The following PTPRD variants were observed in gnomAD, a reference collection of about 807,000 sequenced individuals.
The protein encoded by PTPRD is protein tyrosine phosphatase receptor type D.
Under a neutral mutation model 214.5 loss-of-function variants are expected in PTPRD, and 34 were observed. That is an observed-to-expected ratio of 0.16 (90% confidence interval 0.12 to 0.21). The LOEUF is 0.21. Among genes scored for constraint, PTPRD ranks in the 10% least tolerant of loss-of-function variants. PTPRD has a pLI of 1.00. For missense variants in PTPRD, 2,545 were observed against 2,398.7 expected, an observed-to-expected ratio of 1.06 and a Z score of -1.27; for synonymous variants, 1,128 against 845.7, an observed-to-expected ratio of 1.33 and a Z score of -5.79.
intron 35 of PTPRD, among the ~76,000 whole-genome samples, chr9:8,420,016 A>G (rs1378061837): frequency 2.0e-5 from 3 of 152,148 alleles, no homozygotes; most frequent in African/African-American, 7.2e-5. Context: ...GAGTGTCAGA[A>G]AAAGAAGAAA....
intron 11 of PTPRD, among the ~76,000 whole-genome samples, chr9:8,903,797 AAAGCAATATCC>A (rs2098689162): frequency 6.8e-6 from 1 of 146,666 alleles, no homozygotes; most frequent in African/African-American, 2.8e-5. Flanking sequence ...ACTACTCTGT[AAAGCAATATCC>A]TACAAGTGAA....
intron 2 of PTPRD, among the ~76,000 whole-genome samples, chr9:10,598,711 G>GTGTGTGTGGTGTGTGGT (rs57068953): frequency 2.4e-4 from 33 of 137,172 alleles, no homozygotes; most frequent in East Asian, 9.1e-4. Flanking sequence ...TGTGGTGTGT[G>GTGTGTGTGGTGTGTGGT]GTGTGTGTGT....
chr9:8,564,737 G>C (rs766760884), intron 14 of PTPRD, among the ~76,000 whole-genome samples: 4 of 152,132 alleles, frequency 2.6e-5, no homozygotes, highest in Non-Finnish European at 5.9e-5. Context: ...ATCAAGTCAT[G>C]TTACATTGAT....
At chr9:8,577,570 T>C (rs372054230) in intron 14 of PTPRD, among the ~76,000 whole-genome samples, 1 of 152,216 alleles carries the variant, frequency 6.6e-6, no homozygotes, top group East Asian at 1.9e-4. Context: ...TTAACTCTTG[T>C]TAAGGATCTC....
At chr9:8,414,287 C>T (rs1368582813) in intron 35 of PTPRD, among the ~76,000 whole-genome samples, 1 of 152,178 alleles carries the variant, frequency 6.6e-6, no homozygotes, top group East Asian at 1.9e-4. Flanking sequence ...TTTTGTGCAT[C>T]TGAAATTCAT....
intron 11 of PTPRD, among the ~76,000 whole-genome samples, chr9:8,766,741 T>C (rs181315972): frequency 2.0e-5 from 3 of 152,310 alleles, no homozygotes; most frequent in Non-Finnish European, 4.4e-5. Flanking sequence ...TAAATAATTG[T>C]CTTACTTGTT....
chr9:10,448,382 G>C (rs1159595079), intron 2 of PTPRD, among the ~76,000 whole-genome samples: 1 of 151,908 alleles, frequency 6.6e-6, no homozygotes, highest in Non-Finnish European at 1.5e-5. Flanking sequence ...TAAAGTAAAA[G>C]GAAAGTAGCC....
rs531009765 is a variant in PTPRD at position 8,935,196 on chromosome 9, T to G, written c.-104+83501A>C. 4.6e-5 allele frequency among the ~76,000 whole-genome samples: 7 copies of G among 152,214 alleles called. 1 individual carries two copies. The South Asian group carries it at 1.4e-3, about 32-fold the overall frequency. On this transcript the variant is annotated intron_variant, in intron 11 of 45. Transcript: ENST00000381196. ...TTTGCATATGACACCATCTTACATA[T>G]AGAATACCCTAAAGACTTCACCAAA...
At chr9:10,298,415 T>A (rs1422156100) in intron 3 of PTPRD, among the ~76,000 whole-genome samples, 1 of 152,126 alleles carries the variant, frequency 6.6e-6, no homozygotes, top group Non-Finnish European at 1.5e-5. Flanking sequence ...AAGCCATGCA[T>A]TCAATTTCCA....
At chr9:10,505,305 G>C (rs1032346888) in intron 2 of PTPRD, among the ~76,000 whole-genome samples, 12 of 152,128 alleles carry the variant, frequency 7.9e-5, no homozygotes, top group Non-Finnish European at 1.6e-4. Flanking sequence ...TAGATTTAAA[G>C]TTTAGGTCTC....
At chr9:10,150,477 C>T (rs529404642) in intron 3 of PTPRD, among the ~76,000 whole-genome samples, 43 of 151,502 alleles carry the variant, frequency 2.8e-4, no homozygotes, top group Middle Eastern at 3.4e-3. Context: ...CACATGGACA[C>T]GGGGTGGGGA....
At chr9:9,625,771 C>T (rs16929931) in intron 7 of PTPRD, among the ~76,000 whole-genome samples, 3,468 of 152,108 alleles carry the variant, frequency 0.023, 124 homozygotes, top group African/African-American at 0.079. Flanking sequence ...ACATTTTATC[C>T]GAACGGCCAG....
intron 3 of PTPRD, among the ~76,000 whole-genome samples, chr9:10,092,728 C>T (rs934995038): frequency 6.6e-6 from 1 of 151,536 alleles, no homozygotes; most frequent in Non-Finnish European, 1.5e-5. Context: ...GTAACCAAAA[C>T]AGCATAGTAT....
intron 2 of PTPRD, among the ~76,000 whole-genome samples, chr9:10,353,735 C>A (rs145828858): frequency 6.6e-6 from 1 of 151,886 alleles, no homozygotes; most frequent in Non-Finnish European, 1.5e-5. Flanking sequence ...CAACCGTACA[C>A]CAAAATATAA....
intron 5 of PTPRD, among the ~76,000 whole-genome samples, chr9:9,850,760 T>C (rs2060408418): frequency 6.6e-6 from 1 of 152,170 alleles, no homozygotes; most frequent in Non-Finnish European, 1.5e-5. Flanking sequence ...TATGTTGTCC[T>C]ACATATTTTT....
At chr9:10,035,791 G>A (rs1011175092) in intron 3 of PTPRD, among the ~76,000 whole-genome samples, 10 of 150,902 alleles carry the variant, frequency 6.6e-5, no homozygotes, top group Non-Finnish European at 1.5e-4. Context: ...CTTATTAGTG[G>A]TTTCCTGCTC....
At chr9:8,637,330 C>T (rs2096465948) in intron 12 of PTPRD, among the ~76,000 whole-genome samples, 2 of 152,178 alleles carry the variant, frequency 1.3e-5, no homozygotes, top group African/African-American at 4.8e-5. Context: ...AGAAATATCG[C>T]CCTGAATTAG....
chr9:9,613,450 T>A (rs1255550632), intron 7 of PTPRD, among the ~76,000 whole-genome samples: 1 of 152,042 alleles, frequency 6.6e-6, no homozygotes, highest in African/African-American at 2.4e-5. Context: ...CTGTTCTTTT[T>A]GCCATCTACT....
intron 22 of PTPRD, among the ~76,000 whole-genome samples, chr9:8,505,398 G>A (rs181288127): frequency 2.6e-5 from 4 of 152,146 alleles, no homozygotes; most frequent in Admixed American, 1.3e-4. Context: ...CAAGGCGGGC[G>A]GAACATGAGG....
Sources: gnomAD v4.1 joint callset for allele counts (sites outside exome capture counted in the v4.1 genomes callset) on GRCh38, gnomAD v4.1.1 for gene constraint, MANE v1.5 for transcripts, NCBI Gene and HGNC (gene_info 2026-07-23, HGNC 2026-07-21) for gene names.